The following COX7B2 variants were observed in gnomAD, a reference collection of about 807,000 sequenced individuals.
The protein encoded by COX7B2 is cytochrome c oxidase subunit 7B2, mitochondrial.
For synonymous variants in COX7B2, 37 were observed against 32.1 expected, an observed-to-expected ratio of 1.15 and a Z score of -0.51; for missense variants, 109 against 95.9, an observed-to-expected ratio of 1.14 and a Z score of -0.57.
At chr4:46,803,330 T>C (rs148216382) in intron 2 of COX7B2, among the ~76,000 whole-genome samples, 19 of 152,316 alleles carry the variant, frequency 1.2e-4, no homozygotes, top group African/African-American at 4.1e-4. Context: ...AACAAAGTTA[T>C]GTTGCCCTCT....
At chr4:46,863,083 T>A (rs1444642798) in intron 1 of COX7B2, among the ~76,000 whole-genome samples, 1 of 152,140 alleles carries the variant, frequency 6.6e-6, no homozygotes, top group East Asian at 1.9e-4. Flanking sequence ...CCAAAGAATA[T>A]GCCTTTTTAT....
chr4:46,862,195 T>C (rs970952409), intron 1 of COX7B2, among the ~76,000 whole-genome samples: 7 of 152,230 alleles, frequency 4.6e-5, no homozygotes, highest in Non-Finnish European at 1.0e-4. Context: ...AAAGAGGTTT[T>C]TAAAATCAAA....
chr4:46,906,198 G>C (rs1214464732), intron 1 of COX7B2, among the ~76,000 whole-genome samples: 1 of 152,118 alleles, frequency 6.6e-6, no homozygotes, highest in African/African-American at 2.4e-5. Context: ...ATAAGCTGGT[G>C]ACCTGCCCCT....
At chr4:46,739,483 T>C (rs1714576040) in intron 2 of COX7B2, among the ~76,000 whole-genome samples, 2 of 152,088 alleles carry the variant, frequency 1.3e-5, no homozygotes, top group Non-Finnish European at 2.9e-5. Context: ...ATCAGCACAA[T>C]GTCTACTCTA....
At chr4:46,802,757 A>G (rs1472050494) in intron 2 of COX7B2, among the ~76,000 whole-genome samples, 1 of 152,182 alleles carries the variant, frequency 6.6e-6, no homozygotes, top group Non-Finnish European at 1.5e-5. Context: ...TTGTAAGAGA[A>G]GTTGTGCAAA....
chr4:46,782,648 T>G (rs879789516), intron 2 of COX7B2, among the ~76,000 whole-genome samples: 1 of 152,202 alleles, frequency 6.6e-6, no homozygotes, highest in Non-Finnish European at 1.5e-5. Flanking sequence ...GCTCACTCTT[T>G]GGGTCTGCGC....
intron 1 of COX7B2, among the ~76,000 whole-genome samples, chr4:46,876,136 C>CATG (rs1718314182): frequency 6.6e-6 from 1 of 152,090 alleles, no homozygotes; most frequent in African/African-American, 2.4e-5. Flanking sequence ...GTAAACTCAA[C>CATG]ATGATATGCT....
At chr4:46,861,608 GTTCT>G (rs1336866558) in intron 1 of COX7B2, among the ~76,000 whole-genome samples, 1 of 152,182 alleles carries the variant, frequency 6.6e-6, no homozygotes, top group African/African-American at 2.4e-5. Flanking sequence ...CCTAGAAATG[GTTCT>G]TTGTTATAAA....
chr4:46,859,035 C>T (rs1392883695), intron 1 of COX7B2, among the ~76,000 whole-genome samples: 1 of 152,102 alleles, frequency 6.6e-6, no homozygotes, highest in Non-Finnish European at 1.5e-5. Context: ...GTAAAAAATA[C>T]TCTTTCAGAG....
At chr4:46,805,093 A>G (rs999768738) in intron 2 of COX7B2, among the ~76,000 whole-genome samples, 1 of 151,998 alleles carries the variant, frequency 6.6e-6, no homozygotes, top group South Asian at 2.1e-4. Context: ...CGAGTGCAGG[A>G]CCCGCCAAGC....
chr4:46,769,790 T>A (rs1716765912), intron 2 of COX7B2, among the ~76,000 whole-genome samples: 1 of 152,092 alleles, frequency 6.6e-6, no homozygotes, highest in Non-Finnish European at 1.5e-5. Flanking sequence ...TTTGACAAAT[T>A]TCACCATCTT....
chr4:46,904,404 CACA>C (rs759182923), intron 1 of COX7B2, among the ~76,000 whole-genome samples: 4 of 152,026 alleles, frequency 2.6e-5, no homozygotes, highest in Non-Finnish European at 4.4e-5. Flanking sequence ...AAAATCACTT[CACA>C]GAAGAAGAAA....
intron 2 of COX7B2, among the ~76,000 whole-genome samples, chr4:46,763,358 G>T (rs1358824340): frequency 6.6e-6 from 1 of 150,620 alleles, no homozygotes; most frequent in Non-Finnish European, 1.5e-5. Flanking sequence ...GTGTATGTGT[G>T]TTCTTTATGT....
intron 2 of COX7B2, among the ~76,000 whole-genome samples, chr4:46,818,486 A>T (rs973522067): frequency 6.6e-6 from 1 of 152,012 alleles, no homozygotes; most frequent in Non-Finnish European, 1.5e-5. Flanking sequence ...AATACAAAAA[A>T]ATTAGCTGGG....
At chr4:46,867,289 TA>T (rs1472035174) in intron 1 of COX7B2, among the ~76,000 whole-genome samples, 4 of 152,132 alleles carry the variant, frequency 2.6e-5, no homozygotes, top group African/African-American at 7.2e-5. Flanking sequence ...ACAATCCCTT[TA>T]ACATTAAGGA....
intron 2 of COX7B2, among the ~76,000 whole-genome samples, chr4:46,793,381 G>C (rs1221589804): frequency 6.6e-6 from 1 of 152,144 alleles, no homozygotes; most frequent in Non-Finnish European, 1.5e-5. Context: ...ATGATTTATG[G>C]TCATGCTGAC....
chr4:46,845,333 T>G (rs1512141), intron 1 of COX7B2, among the ~76,000 whole-genome samples: 23,305 of 151,634 alleles, frequency 0.15, 2,488 homozygotes, highest in Admixed American at 0.31. Flanking sequence ...ACCACTCACC[T>G]GTACCCAACC....
At chr4:46,754,539 T>TG (rs1235847663) in intron 2 of COX7B2, among the ~76,000 whole-genome samples, 3 of 29,624 alleles carry the variant, frequency 1.0e-4, no homozygotes, top group Non-Finnish European at 1.7e-4. Flanking sequence ...CAGGAAGGGG[T>TG]GGGGGGTGGG....
intron 2 of COX7B2, among the ~76,000 whole-genome samples, chr4:46,828,032 A>G (rs890288330): frequency 6.6e-6 from 1 of 152,160 alleles, no homozygotes; most frequent in Non-Finnish European, 1.5e-5. Context: ...AGATGTATGC[A>G]CTTGTCAAAG....
Sources: gnomAD v4.1 joint callset for allele counts (sites outside exome capture counted in the v4.1 genomes callset) on GRCh38, gnomAD v4.1.1 for gene constraint, MANE v1.5 for transcripts, NCBI Gene and HGNC (gene_info 2026-07-23, HGNC 2026-07-21) for gene names.